The following PAX9 variants were observed in gnomAD, a reference collection of about 807,000 sequenced individuals.
The protein encoded by PAX9 is paired box 9.
In PAX9, 6 loss-of-function variants were observed where a neutral mutation model predicts 29.1. That is an observed-to-expected ratio of 0.21 (90% CI 0.11 to 0.41). PAX9 has a LOEUF of 0.41. Among genes scored for constraint, PAX9 ranks in the 10% least tolerant of loss-of-function variants. The probability of loss-of-function intolerance (pLI) is 1.00; values close to 1 mark genes in which losing one functional copy is unlikely to be tolerated. For synonymous variants in PAX9, 217 were observed against 211.7 expected (o/e 1.03, Z -0.22); for missense variants, 443 against 479.1 (o/e 0.92, Z 0.70).
chr14:36,673,893 C>T (rs1318227614), intron 3 of PAX9, among the ~76,000 whole-genome samples: 1 of 152,110 alleles, frequency 6.6e-6, no homozygotes, highest in Admixed American at 6.6e-5. Context: ...ATTCTTATTT[C>T]ATTATTCTTA....
Position 36,678,538 on chromosome 14 carries a change from T to G in PAX9, c.*2086T>G. On this transcript the variant is annotated 3_prime_UTR_variant, in exon 4 of 4. Coordinates refer to ENST00000361487, the MANE Select transcript of PAX9 (RefSeq NM_001372076.1). ...TGGAACAAAGATCCAATCCAATATT[T>G]TGGTGGAGACTTCTTTAAAACCATA... The G allele has an allele frequency of 6.5e-7, 1 of 1,536,744 alleles. No homozygotes were observed. Among genetic ancestry groups the G allele is most frequent in the Non-Finnish European group, 8.7e-7 (1 of 1,146,668 alleles).
chr14:36,673,233 A>G (rs1881762369), intron 3 of PAX9, among the ~76,000 whole-genome samples: 1 of 152,088 alleles, frequency 6.6e-6, no homozygotes, highest in African/African-American at 2.4e-5. Context: ...TCTGCAGTAC[A>G]AAGGGATTGC....
Position 36,678,503 on chromosome 14 carries a change from A to G in PAX9, c.*2051A>G, listed in dbSNP as rs1882017725. The G allele has an allele frequency of 6.5e-7, 1 of 1,537,080 alleles. No homozygotes were observed. The highest frequency in any genetic ancestry group is 1.2e-5 in the South Asian group (1 of 84,060). ...TCCCAGTCTGGTGAGAAAATAGACT[A>G]TAAACTGAATGGAACAAAGATCCAA... On this transcript the variant is annotated 3_prime_UTR_variant, in exon 4 of 4. Coordinates refer to ENST00000361487, the MANE Select transcript of PAX9 (RefSeq NM_001372076.1).
At position 36,676,580 on chromosome 14, in the gene PAX9, G is replaced by T. The variant is rs1185986004; in HGVS notation, c.*128G>T. ...TTCTGCCTTGAAAGCTGGCTGTACG[G>T]ACTCACATCCTTTGTGCTAATGACA... On this transcript the variant is annotated 3_prime_UTR_variant, in exon 4 of 4. Coordinates refer to ENST00000361487, the MANE Select transcript of PAX9 (RefSeq NM_001372076.1). 9.5e-7 allele frequency: 1 copy of T among 1,051,092 alleles called. No homozygotes were observed. The highest frequency in any genetic ancestry group is 1.4e-6 in the Non-Finnish European group (1 of 704,040). The allele number at this position is 1,051,092 out of a possible 1,614,324, so 65.1% of individuals were successfully genotyped here. A position where few individuals can be genotyped will look rare whatever the true frequency, so the allele number is the denominator to read the frequency against.
intron 3 of PAX9, among the ~76,000 whole-genome samples, chr14:36,674,841 C>CT (rs1239786768): frequency 3.3e-5 from 5 of 152,064 alleles, no homozygotes; most frequent in South Asian, 2.1e-4. Context: ...TAATATTTTT[C>CT]TTTTTTTGTC....
In PAX9 at chr14:36,663,343, C is replaced by A. The variant is rs1261824175; in HGVS notation, c.451C>A (p.Gln151Lys). 2 of 1,614,146 alleles carry A rather than the reference C, an allele frequency of 1.2e-6. No homozygotes were observed. Among genetic ancestry groups the A allele is most frequent in the Non-Finnish European group, 8.5e-7 (1 of 1,180,048 alleles). ...DSYKQHQPTP[Q>K]PALPYNHIYS... ...ATACAAGCAGCACCAGCCGACGCCG[C>A]AGCCAGCGCTGCCCTACAACCACAT... is the stretch of plus-strand genomic sequence containing the variant. The change falls in exon 2 of 4, where the codon CAG becomes AAG. Residue 151 changes from glutamine (Q) to lysine (K), a missense_variant. Around this residue, in one of 2 missense-constraint regions of PAX9, gnomAD observed 336 missense variants for 317.2 expected, o/e 1.06. Coordinates refer to ENST00000361487, the MANE Select transcript of PAX9 (RefSeq NM_001372076.1).
At chr14:36,675,595 A>G (rs538988644) in intron 3 of PAX9, among the ~76,000 whole-genome samples, 19 of 152,334 alleles carry the variant, frequency 1.2e-4, no homozygotes, top group Admixed American at 9.1e-4. Context: ...TATTCATTTA[A>G]AAATCCTTAC....
upstream of PAX9, among the ~76,000 whole-genome samples, chr14:36,660,824 G>A (rs896911338): frequency 6.6e-6 from 1 of 152,198 alleles, no homozygotes; most frequent in Non-Finnish European, 1.5e-5. Flanking sequence ...CTGCAAAAAA[G>A]CATACGGTAC....
chr14:36,660,344 AC>A (rs1881210591), upstream of PAX9, among the ~76,000 whole-genome samples: 4 of 152,328 alleles, frequency 2.6e-5, no homozygotes, highest in South Asian at 8.3e-4. Flanking sequence ...AAACCAACCA[AC>A]AAAAAGGGAC....
chr14:36,672,204 G>T (rs1364929545), intron 3 of PAX9: 1 of 152,208 alleles, frequency 6.6e-6, no homozygotes, highest in Non-Finnish European at 1.5e-5. Flanking sequence ...GATTCCGTAT[G>T]TTGGTTGATT....
upstream of PAX9, chr14:36,658,000 C>T (rs1258338152): frequency 6.6e-6 from 1 of 152,204 alleles, no homozygotes; most frequent in Non-Finnish European, 1.5e-5. Flanking sequence ...AGCCGCCATC[C>T]CCTCCCGCAG....
At chr14:36,674,754 T>C (rs1881820802) in intron 3 of PAX9, among the ~76,000 whole-genome samples, 1 of 152,204 alleles carries the variant, frequency 6.6e-6, no homozygotes, top group Non-Finnish European at 1.5e-5. Flanking sequence ...TCTTTCCCTA[T>C]TTTCAAAGAA....
rs199714030 is a variant in PAX9, at chr14:36,666,625, G to T, written c.771+24G>T. ...AGGTGAGGAGGCGAGGGTCAGGCCA[G>T]GTGGGCCGCGTGGCGGCGGGGATTT... On this transcript the variant is annotated intron_variant, in intron 3 of 3. Coordinates refer to ENST00000361487, the MANE Select transcript of PAX9 (RefSeq NM_001372076.1). 5.1e-6 allele frequency: 8 copies of T among 1,556,138 alleles called. No homozygotes were observed. In the East Asian group the frequency reaches 1.7e-4, roughly 33 times the overall value.
At chr14:36,662,570 G>A in intron 1 of PAX9, 1 of 469,580 alleles carries the variant, frequency 2.1e-6, no homozygotes, top group South Asian at 3.2e-5. Flanking sequence ...AGGAGCAGGC[G>A]AGAAGGAGCA....
At position 36,663,417 on chromosome 14, in the gene PAX9, G is replaced by A. The variant is rs754431363; in HGVS notation, c.525G>A (p.Thr175=). 5.0e-6 allele frequency: 8 copies of A among 1,612,970 alleles called. No homozygotes were observed. In the South Asian group the frequency reaches 8.8e-5, roughly 18 times the overall value. The part of the protein sequence containing the change: ...PITAAAAKVP[T]PPGVPAIPGS... ...CGGCGGCGGCCGCCAAGGTGCCCAC[G>A]CCACCCGGGGTGCCTGCCATCCCCG... is the stretch of plus-strand genomic sequence containing the variant. The change falls in exon 2 of 4, where the codon ACG becomes ACA. Residue 175 remains threonine (T), a synonymous_variant. Transcript: ENST00000361487.
At chr14:36,669,850 T>G (rs1270805773) in intron 3 of PAX9, among the ~76,000 whole-genome samples, 5 of 152,106 alleles carry the variant, frequency 3.3e-5, no homozygotes, top group Non-Finnish European at 7.4e-5. Context: ...AAGTCCTTAT[T>G]GTCTCTGAGG....
At chr14:36,672,280 A>C (rs564837676) in intron 3 of PAX9, among the ~76,000 whole-genome samples, 2 of 152,338 alleles carry the variant, frequency 1.3e-5, no homozygotes, top group South Asian at 4.1e-4. Context: ...CTATATTTAT[A>C]GTGTAGATTT....
At chr14:36,673,530 C>CAAGGGGAACATCTCTGGGCAAAAAG (rs1555317517) in intron 3 of PAX9, among the ~76,000 whole-genome samples, 1 of 151,988 alleles carries the variant, frequency 6.6e-6, no homozygotes, top group African/African-American at 2.4e-5. Context: ...GGCCATCTTC[C>CAAGGGGAACATCTCTGGGCAAAAAG]AAGTGGGTCC....
rs2139123183 is a variant in PAX9 at position 36,676,343 on chromosome 14, G to T, written c.917G>T (p.Gly306Val). ...YVAGHGWQHA[G>V]GTSLSPHNCD... ...GCTGGACATGGGTGGCAACATGCTG[G>T]GGGCACCTCATTGTCTCCCCACAAC... Residue 306 changes from glycine (G) to valine (V), a missense_variant, in exon 4 of 4, where the codon GGG (glycine) becomes GTG (valine). Transcript: ENST00000361487. 1 of 1,614,074 alleles carries T rather than the reference G, an allele frequency of 6.2e-7. No individual in the cohort carries two copies. Among genetic ancestry groups the T allele is most frequent in the Non-Finnish European group, 8.5e-7 (1 of 1,180,014 alleles).
Sources: gnomAD v4.1 joint callset for allele counts (sites outside exome capture counted in the v4.1 genomes callset) on GRCh38, gnomAD v4.1.1 for gene constraint, gnomAD v4.1.1 regional missense constraint, MANE v1.5 for transcripts, NCBI Gene and HGNC (gene_info 2026-07-23, HGNC 2026-07-21) for gene names.